The following AZIN2 variants were observed in gnomAD, a reference collection of about 807,000 sequenced individuals.
AZIN2 encodes antizyme inhibitor 2, also known as ODC antizyme inhibitor-2.
In AZIN2, 28 loss-of-function variants were observed where a neutral mutation model predicts 47.8. The observed-to-expected ratio is 0.59, with a 90% CI of 0.43 to 0.80. The LOEUF is 0.80. AZIN2 is among the 30% of genes least tolerant of loss of function. The probability of loss-of-function intolerance (pLI) is 0.00; values close to 1 mark genes in which losing one functional copy is unlikely to be tolerated. For synonymous variants in AZIN2, 221 were observed against 239.4 expected, an observed-to-expected ratio of 0.92 and a Z score of 0.71; for missense variants, 535 against 582.5, an observed-to-expected ratio of 0.92 and a Z score of 0.84.
intron 4 of AZIN2, 62 bp downstream of exon 4, chr1:33,082,416 G>C: frequency 1.6e-6 from 2 of 1,278,392 alleles, no homozygotes; most frequent in Admixed American, 4.4e-5. Flanking sequence ...GCCTCCTCAG[G>C]AAGGGTCCCT....
intron 10 of AZIN2, among the ~76,000 whole-genome samples, chr1:33,101,677 A>G (rs1161532215): frequency 6.6e-6 from 1 of 152,116 alleles, no homozygotes; most frequent in Non-Finnish European, 1.5e-5. Flanking sequence ...TGACTCATGC[A>G]TTATCATTCT....
At chr1:33,103,740 A>C (rs61799490) in intron 10 of AZIN2, among the ~76,000 whole-genome samples, 4,110 of 152,216 alleles carry the variant, frequency 0.027, 81 homozygotes, top group Non-Finnish European at 0.039. Context: ...TGCTCACTAA[A>C]TATCTGTTGA....
chr1:33,166,596 G>A, the AZIN2 span, among the ~76,000 whole-genome samples: 4 of 152,236 alleles, frequency 2.6e-5, no homozygotes, highest in South Asian at 6.3e-4. Flanking sequence ...GATACAGAGA[G>A]GTCAAGAAAC....
chr1:33,138,626 C>CAACAA, the AZIN2 span, among the ~76,000 whole-genome samples: 32 of 66,114 alleles, frequency 4.8e-4, no homozygotes, highest in Middle Eastern at 8.2e-3. Flanking sequence ...ACAACAACAA[C>CAACAA]AAAAAAAAAA....
the AZIN2 span, among the ~76,000 whole-genome samples, chr1:33,128,763 G>C: frequency 6.6e-6 from 1 of 152,222 alleles, no homozygotes; most frequent in Non-Finnish European, 1.5e-5. Flanking sequence ...GCTTCTGGGA[G>C]AAGTCAGAAT....
intron 10 of AZIN2, among the ~76,000 whole-genome samples, chr1:33,100,040 G>A (rs905457952): frequency 2.0e-5 from 3 of 152,106 alleles, no homozygotes; most frequent in African/African-American, 4.8e-5. Flanking sequence ...AGTTGTATGA[G>A]GCCAGGCGTG....
chr1:33,094,830 G>C, intron 8 of AZIN2, 117 bp downstream of exon 8: 2 of 1,112,646 alleles, frequency 1.8e-6, no homozygotes, highest in Non-Finnish European at 2.6e-6. Flanking sequence ...GCAGTGCTTG[G>C]TGCTTACCTG....
chr1:33,082,951 T>G (rs1387625808), intron 4 of AZIN2: 1 of 152,978 alleles, frequency 6.5e-6, no homozygotes, highest in Non-Finnish European at 1.5e-5. Flanking sequence ...ACCATGCCTT[T>G]GCCCAGGCTG....
the AZIN2 span, among the ~76,000 whole-genome samples, chr1:33,162,180 C>T: frequency 5.9e-5 from 9 of 152,214 alleles, no homozygotes; most frequent in Non-Finnish European, 1.2e-4. Flanking sequence ...TAGGAACCTT[C>T]TTTAGCTCCT....
intron 8 of AZIN2, among the ~76,000 whole-genome samples, 173 bp from the exon 9 acceptor site, chr1:33,096,533 TC>T (rs1433100099): frequency 1.3e-5 from 2 of 152,282 alleles, no homozygotes; most frequent in East Asian, 3.9e-4. Context: ...TCTGTCCCCC[TC>T]CTACCTTCTT....
At chr1:33,083,930 A>G in intron 4 of AZIN2, 24 bp from the exon 5 acceptor site, 1 of 1,613,678 alleles carries the variant, frequency 6.2e-7, no homozygotes, top group African/African-American at 1.3e-5. Context: ...GGGGTCTCAC[A>G]TTCATCCACT....
rs1001610875 is a variant in AZIN2, at chr1:33,082,192, T to C, written c.-58T>C. On this transcript the variant is annotated 5_prime_UTR_variant, in exon 4 of 12. Transcript: ENST00000294517. ...TCGCCCCGCAGTGTGTTGCATACTT[T>C]CTAAGGCGGCGGCTGCAGCAGCGGC... 2.7e-6 allele frequency: 4 copies of C among 1,458,772 alleles called. No individual in the cohort carries two copies. The highest frequency in any genetic ancestry group is 3.8e-6 in the Non-Finnish European group (4 of 1,046,064). The allele number at this position is 1,458,772 out of a possible 1,614,324, so 90.4% of individuals were successfully genotyped here.
chr1:33,096,776 G>C lies in AZIN2; in HGVS notation c.823G>C (p.Glu275Gln), dbSNP rs769835894. The change falls in exon 9 of 12, where the codon GAG becomes CAG. Residue 275 changes from glutamate (E) to glutamine (Q), a missense_variant. Physicochemically the swap from Glu to Gln is conservative, Grantham distance 29. Coordinates refer to ENST00000294517, the MANE Select transcript of AZIN2 (RefSeq NM_052998.4). ...PEGCGVDIFAELGRYYVTSAF... is the reference protein window; with the variant it reads ...PEGCGVDIFAQLGRYYVTSAF... ...GGGCTGTGGCGTGGACATCTTTGCT[G>C]AGCTGGGGCGCTACTACGTGACCTC... 2 of 1,614,232 alleles carry C rather than the reference G, an allele frequency of 1.2e-6. No individual in the cohort carries two copies. The highest frequency in any genetic ancestry group is 2.2e-5 in the South Asian group (2 of 91,090).
chr1:33,128,092 G>T (rs1335240978), downstream of AZIN2, among the ~76,000 whole-genome samples: 1 of 151,714 alleles, frequency 6.6e-6, no homozygotes, highest in Non-Finnish European at 1.5e-5. Context: ...GGTTGGGCAC[G>T]GTAGCTCACA....
chr1:33,088,841 A>G (rs192857885), intron 5 of AZIN2, among the ~76,000 whole-genome samples: 35 of 152,296 alleles, frequency 2.3e-4, no homozygotes, highest in African/African-American at 8.2e-4. Context: ...TCTCACACCC[A>G]GGTCTCTTGC....
the AZIN2 span, chr1:33,158,198 G>T: frequency 6.6e-7 from 1 of 1,523,004 alleles, no homozygotes; most frequent in South Asian, 1.1e-5. Flanking sequence ...CAGGGGGCTG[G>T]GCTGTGCTGG....
At chr1:33,087,167 C>T (rs1481287074) in intron 5 of AZIN2, among the ~76,000 whole-genome samples, 1 of 148,664 alleles carries the variant, frequency 6.7e-6, no homozygotes, top group African/African-American at 2.5e-5. Flanking sequence ...GAGTTTCGCT[C>T]TTGTTGCCCA....
intron 4 of AZIN2, 108 bp downstream of exon 4, chr1:33,082,462 G>T (rs558070411): frequency 2.7e-6 from 2 of 734,620 alleles, no homozygotes. Context: ...TATTTGGTAC[G>T]CAATCCTTGC....
intron 10 of AZIN2, among the ~76,000 whole-genome samples, chr1:33,103,584 C>T (rs915551399): frequency 2.6e-5 from 4 of 152,158 alleles, no homozygotes; most frequent in African/African-American, 7.2e-5. Flanking sequence ...CACAACCCAT[C>T]GTAATCTGTT....
Sources: gnomAD v4.1 joint callset for allele counts (sites outside exome capture counted in the v4.1 genomes callset) on GRCh38, gnomAD v4.1.1 for gene constraint, MANE v1.5 for transcripts, NCBI Gene and HGNC (gene_info 2026-07-23, HGNC 2026-07-21) for gene names.